The following THEMIS variants were observed in gnomAD, a reference collection of about 807,000 sequenced individuals.
The protein encoded by THEMIS is protein THEMIS.
Under a neutral mutation model 52.6 loss-of-function variants are expected in THEMIS, and 37 were observed. The ratio of observed to expected loss-of-function variants is 0.70; its 90% CI spans 0.54 to 0.93. The LOEUF (loss-of-function observed/expected upper bound fraction) is 0.93, where lower values mean the gene tolerates loss of function less well. Ranked by LOEUF, THEMIS falls within the 40% of genes least tolerant of loss-of-function variation. THEMIS has a pLI of 0.00. For synonymous variants in THEMIS, 292 were observed against 272.7 expected, an observed-to-expected ratio of 1.07 and a Z score of -0.70; for missense variants, 808 against 763.1, an observed-to-expected ratio of 1.06 and a Z score of -0.69.
chr6:127,822,463 A>C (rs1413781683), intron 3 of THEMIS, among the ~76,000 whole-genome samples: 1 of 152,144 alleles, frequency 6.6e-6, no homozygotes, highest in Non-Finnish European at 1.5e-5. Context: ...TAGAAAAAAT[A>C]ATCATAATCC....
At chr6:127,830,736 G>A (rs943476803) in intron 2 of THEMIS, among the ~76,000 whole-genome samples, 2 of 151,958 alleles carry the variant, frequency 1.3e-5, no homozygotes, top group Admixed American at 1.3e-4. Flanking sequence ...ATATAGCTTG[G>A]ACTAGATAGA....
intron 4 of THEMIS, among the ~76,000 whole-genome samples, chr6:127,789,724 C>T (rs1056427422): frequency 7.2e-4 from 109 of 152,212 alleles, no homozygotes; most frequent in African/African-American, 2.5e-3. Flanking sequence ...GTTCAACACA[C>T]GCAAATCAAT....
At chr6:127,852,375 C>T (rs896718258) in intron 2 of THEMIS, among the ~76,000 whole-genome samples, 1 of 151,412 alleles carries the variant, frequency 6.6e-6, no homozygotes, top group African/African-American at 2.4e-5. Context: ...GAACAATACA[C>T]ATAAACCAAC....
chr6:127,750,278 A>G (rs2114331987), intron 4 of THEMIS, among the ~76,000 whole-genome samples: 1 of 151,860 alleles, frequency 6.6e-6, no homozygotes, highest in Non-Finnish European at 1.5e-5. Flanking sequence ...AAAAAACAAG[A>G]AAATGATATG....
intron 4 of THEMIS, among the ~76,000 whole-genome samples, chr6:127,771,452 C>T (rs899817116): frequency 6.6e-6 from 1 of 152,034 alleles, no homozygotes; most frequent in Non-Finnish European, 1.5e-5. Flanking sequence ...GCCCATATTG[C>T]CAAGACAATC....
intron 2 of THEMIS, among the ~76,000 whole-genome samples, chr6:127,853,310 A>G (rs966999332): frequency 6.6e-6 from 1 of 151,702 alleles, no homozygotes; most frequent in African/African-American, 2.4e-5. Context: ...GGCATCTTAT[A>G]AAGTAATGGT....
At chr6:127,901,902 G>A (rs938281646), upstream of THEMIS, among the ~76,000 whole-genome samples, 1 of 152,056 alleles carries the variant, frequency 6.6e-6, no homozygotes, top group African/African-American at 2.4e-5. Flanking sequence ...GGAAGCAGGA[G>A]AAAACTCATG....
At chr6:127,697,104 C>G in the THEMIS span, among the ~76,000 whole-genome samples, 1 of 152,090 alleles carries the variant, frequency 6.6e-6, no homozygotes, top group Admixed American at 6.6e-5. Context: ...TGCGTGAGGG[C>G]TAAAAGGCAT....
chr6:127,903,842 G>C (rs568217565), upstream of THEMIS, among the ~76,000 whole-genome samples: 1 of 151,902 alleles, frequency 6.6e-6, no homozygotes, highest in South Asian at 2.1e-4. Context: ...TCTATTTCTG[G>C]CTATGAGCTT....
intron 4 of THEMIS, among the ~76,000 whole-genome samples, chr6:127,798,838 A>G (rs1777422382): frequency 6.6e-6 from 1 of 151,770 alleles, no homozygotes; most frequent in Non-Finnish European, 1.5e-5. Flanking sequence ...AAAAAATACA[A>G]AAAATTAGCT....
At chr6:127,850,201 C>T (rs1216346496) in intron 2 of THEMIS, among the ~76,000 whole-genome samples, 1 of 151,938 alleles carries the variant, frequency 6.6e-6, no homozygotes, top group Non-Finnish European at 1.5e-5. Context: ...CACCTTACTC[C>T]TGAAAGAATA....
At chr6:127,835,622 C>T (rs998123036) in intron 2 of THEMIS, among the ~76,000 whole-genome samples, 23 of 152,038 alleles carry the variant, frequency 1.5e-4, no homozygotes, top group African/African-American at 5.6e-4. Context: ...GTTATAAGGT[C>T]AGAAAAATTG....
chr6:127,849,877 A>G, intron 2 of THEMIS, among the ~76,000 whole-genome samples: 1 of 151,770 alleles, frequency 6.6e-6, no homozygotes, highest in Non-Finnish European at 1.5e-5. Context: ...TGCCACAAAA[A>G]TAAATAAATG....
intron 4 of THEMIS, among the ~76,000 whole-genome samples, chr6:127,796,626 A>C (rs1777338226): frequency 6.6e-6 from 1 of 152,200 alleles, no homozygotes. Flanking sequence ...AGCTTATTTG[A>C]TTTTACTTAG....
intron 4 of THEMIS, among the ~76,000 whole-genome samples, chr6:127,721,788 A>G (rs1185015110): frequency 2.0e-5 from 3 of 152,020 alleles, no homozygotes. Context: ...AAAGTATATT[A>G]TTATTTCAAG....
downstream of THEMIS, among the ~76,000 whole-genome samples, chr6:127,704,419 G>A (rs543174673): frequency 3.8e-4 from 58 of 152,148 alleles, no homozygotes; most frequent in Non-Finnish European, 6.8e-4. Flanking sequence ...TATAGCTGAT[G>A]GGCGTCTAAT....
At chr6:127,882,003 A>G (rs1583391409) in intron 1 of THEMIS, among the ~76,000 whole-genome samples, 1 of 151,580 alleles carries the variant, frequency 6.6e-6, no homozygotes, top group Non-Finnish European at 1.5e-5. Flanking sequence ...ACAGCAAAAA[A>G]AAAAAAAAAA....
At chr6:127,700,883 A>G in the THEMIS span, among the ~76,000 whole-genome samples, 1 of 152,068 alleles carries the variant, frequency 6.6e-6, no homozygotes, top group East Asian at 1.9e-4. Flanking sequence ...TACGTATACA[A>G]TCAGAAATAT....
In THEMIS at chr6:127,894,559, A is replaced by G. The variant is rs866270885; in HGVS notation, c.91+6283T>C. Among the ~76,000 whole-genome samples the G allele has an allele frequency of 5.3e-5, 8 of 151,988 alleles. No individual in the cohort carries two copies. The South Asian group carries it at 1.4e-3, about 27-fold the overall frequency. On this transcript the variant is annotated intron_variant, in intron 1 of 5. Coordinates refer to ENST00000368248, the MANE Select transcript of THEMIS (RefSeq NM_001010923.3). ...AAACACATTTATCAAGAAGCAAAGTATTAAACATGGCTGCCGATTCAACAT... is the reference window on the plus strand; with the variant it reads ...AAACACATTTATCAAGAAGCAAAGTGTTAAACATGGCTGCCGATTCAACAT...
Sources: gnomAD v4.1 joint callset for allele counts (sites outside exome capture counted in the v4.1 genomes callset) on GRCh38, gnomAD v4.1.1 for gene constraint, MANE v1.5 for transcripts, NCBI Gene and HGNC (gene_info 2026-07-23, HGNC 2026-07-21) for gene names.